Variants in CDH18 observed in about 807,000 individuals in gnomAD.
CDH18 encodes cadherin-18.
In CDH18, 31 loss-of-function variants were observed where a neutral mutation model predicts 67.9. That is an observed-to-expected ratio of 0.46 (90% CI 0.34 to 0.62). CDH18 has a LOEUF of 0.62. Among genes scored for constraint, CDH18 ranks in the 20% least tolerant of loss-of-function variants. The probability of loss-of-function intolerance (pLI) is 0.01; values close to 1 mark genes in which losing one functional copy is unlikely to be tolerated. For synonymous variants in CDH18, 362 were observed against 347.2 expected (o/e 1.04, Z -0.48); for missense variants, 890 against 975.5 (o/e 0.91, Z 1.17).
At chr5:19,958,186 T>C (rs1393144872) in intron 2 of CDH18, among the ~76,000 whole-genome samples, 1 of 151,512 alleles carries the variant, frequency 6.6e-6, no homozygotes, top group Non-Finnish European at 1.5e-5. Context: ...TTGATAATGG[T>C]AGAGCTTTGA....
intron 10 of CDH18, among the ~76,000 whole-genome samples, chr5:19,519,199 T>C (rs1746503244): frequency 6.6e-6 from 1 of 152,180 alleles, no homozygotes; most frequent in Non-Finnish European, 1.5e-5. Context: ...GTCTAGAGTT[T>C]TTTATTTTAA....
intron 2 of CDH18, among the ~76,000 whole-genome samples, chr5:19,966,293 T>C (rs1447475312): frequency 6.6e-6 from 1 of 152,136 alleles, no homozygotes; most frequent in Non-Finnish European, 1.5e-5. Flanking sequence ...ATGCTCTTGC[T>C]CAGAGAGAAA....
chr5:20,250,853 G>A lies in CDH18; in HGVS notation c.-518+4591C>T, dbSNP rs558732553. Among the ~76,000 whole-genome samples, 12 of 151,800 alleles carry A rather than the reference G, an allele frequency of 7.9e-5. No homozygotes were observed. The East Asian group carries it at 1.8e-3, about 22-fold the overall frequency. On this transcript the variant is annotated intron_variant, in intron 2 of 14. Transcript: ENST00000507958. ...CCTCCTGGCCTCAAGTGATCCGCCC[G>A]CCTTGGCCTCCCAAAGTGCTGGGAT...
intron 2 of CDH18, among the ~76,000 whole-genome samples, chr5:19,875,592 C>T (rs1157120755): frequency 6.6e-6 from 1 of 151,770 alleles, no homozygotes; most frequent in Non-Finnish European, 1.5e-5. Flanking sequence ...ATACATAAAG[C>T]AGAAATAATT....
At chr5:20,094,264 A>G (rs961317420) in intron 2 of CDH18, among the ~76,000 whole-genome samples, 6 of 152,148 alleles carry the variant, frequency 3.9e-5, no homozygotes, top group Admixed American at 6.5e-5. Flanking sequence ...AGAAAAAGGC[A>G]GTGGCTATAG....
chr5:20,445,007 G>T (rs910349687), intron 1 of CDH18, among the ~76,000 whole-genome samples: 1 of 152,190 alleles, frequency 6.6e-6, no homozygotes, highest in East Asian at 1.9e-4. Flanking sequence ...TTTAAGCTTT[G>T]TTGACCGTCT....
intron 4 of CDH18, among the ~76,000 whole-genome samples, chr5:19,723,606 C>G (rs748142449): frequency 2.6e-5 from 4 of 152,126 alleles, no homozygotes; most frequent in Non-Finnish European, 4.4e-5. Context: ...GAAACTGGGT[C>G]ACTCATACAC....
chr5:20,274,662 C>T lies in CDH18; in HGVS notation c.-579-19157G>A, dbSNP rs571042546. Among the ~76,000 whole-genome samples the T allele has an allele frequency of 3.2e-4, 49 of 151,902 alleles. 1 individual carries two copies. In the South Asian group the frequency reaches 9.1e-3, roughly 28 times the overall value. Reference sequence around the variant, plus strand: ...AAAAACAAAAAAAGTGTATATTTGCCGTATCAAAACTAGGAAGATAAGAAT... The same window carrying T: ...AAAAACAAAAAAAGTGTATATTTGCTGTATCAAAACTAGGAAGATAAGAAT... On this transcript the variant is annotated intron_variant, in intron 1 of 14. Transcript: ENST00000507958.
At chr5:20,338,916 C>T (rs1026644230) in intron 1 of CDH18, among the ~76,000 whole-genome samples, 10 of 152,130 alleles carry the variant, frequency 6.6e-5, no homozygotes, top group African/African-American at 2.4e-4. Flanking sequence ...TGCCCAGGTA[C>T]ACTTAAAACA....
At chr5:20,062,719 T>G (rs1215139730) in intron 2 of CDH18, among the ~76,000 whole-genome samples, 1 of 152,110 alleles carries the variant, frequency 6.6e-6, no homozygotes, top group East Asian at 1.9e-4. Context: ...CGCTCTTCTA[T>G]TATCTTAAAC....
rs80071433 is a variant in CDH18, at chr5:20,248,387, G to A, written c.-518+7057C>T. ...TGTCAGCTTGATTCTGTCCCCCAGA[G>A]GATAACAAGTCTTTATAAATCTACC... On this transcript the variant is annotated intron_variant, in intron 2 of 14. Transcript: ENST00000507958. Among the ~76,000 whole-genome samples the A allele has an allele frequency of 6.2e-3, 948 of 152,314 alleles. 4 individuals are homozygous for A. The highest frequency in any genetic ancestry group is 0.01 in the Non-Finnish European group (711 of 68,024).
At chr5:19,769,107 C>T (rs1384903854) in intron 3 of CDH18, among the ~76,000 whole-genome samples, 3 of 151,820 alleles carry the variant, frequency 2.0e-5, no homozygotes, top group Non-Finnish European at 4.4e-5. Flanking sequence ...ATGGGAGTCA[C>T]AGAAATAGAG....
chr5:19,820,932 A>T (rs1005818294), intron 3 of CDH18, among the ~76,000 whole-genome samples: 2 of 152,172 alleles, frequency 1.3e-5, no homozygotes, highest in African/African-American at 4.8e-5. Context: ...GAAAAAAAAT[A>T]AAAATAAAAC....
At chr5:20,006,435 C>T (rs542543305) in intron 2 of CDH18, among the ~76,000 whole-genome samples, 8 of 151,918 alleles carry the variant, frequency 5.3e-5, no homozygotes, top group African/African-American at 1.7e-4. Flanking sequence ...CTTTTCTTCT[C>T]ATTTAAATAT....
At chr5:20,493,356 TAA>T (rs148292031) in intron 1 of CDH18, among the ~76,000 whole-genome samples, 2,393 of 47,242 alleles carry the variant, frequency 0.051, 139 homozygotes, top group African/African-American at 0.19. Context: ...TTCAGAAAAT[TAA>T]AAAAAAAAAA....
At chr5:19,577,108 G>T (rs1742441803) in intron 7 of CDH18, among the ~76,000 whole-genome samples, 1 of 152,134 alleles carries the variant, frequency 6.6e-6, no homozygotes, top group Non-Finnish European at 1.5e-5. Flanking sequence ...AGTAGGAAAA[G>T]GGGAGACATT....
chr5:20,522,417 A>T (rs1375349055), intron 1 of CDH18, among the ~76,000 whole-genome samples: 2 of 152,234 alleles, frequency 1.3e-5, no homozygotes, highest in Non-Finnish European at 2.9e-5. Context: ...AATGAATCTT[A>T]TCCTTTAATA....
intron 2 of CDH18, among the ~76,000 whole-genome samples, chr5:19,951,877 C>A (rs958859404): frequency 6.6e-5 from 10 of 152,032 alleles, no homozygotes; most frequent in African/African-American, 1.4e-4. Flanking sequence ...TCAAAAATAT[C>A]AAATCTGTTA....
At chr5:19,744,589 C>T (rs1769724199) in intron 4 of CDH18, among the ~76,000 whole-genome samples, 1 of 151,088 alleles carries the variant, frequency 6.6e-6, no homozygotes, top group South Asian at 2.1e-4. Flanking sequence ...CTGTTATTTT[C>T]CTTGACTTTT....
Sources: gnomAD v4.1 joint callset for allele counts (sites outside exome capture counted in the v4.1 genomes callset) on GRCh38, gnomAD v4.1.1 for gene constraint, MANE v1.5 for transcripts, NCBI Gene and HGNC (gene_info 2026-07-23, HGNC 2026-07-21) for gene names.